The following NAV2 variants were observed in gnomAD, a reference collection of about 807,000 sequenced individuals.
The protein encoded by NAV2 is neuron navigator 2, also known as helicase, APC down-regulated 1.
Under a neutral mutation model 223.2 loss-of-function variants are expected in NAV2, and 54 were observed. That is an observed-to-expected ratio of 0.24 (90% CI 0.19 to 0.30). The LOEUF is 0.30. NAV2 is among the 10% of genes least tolerant of loss of function. The probability of loss-of-function intolerance (pLI) is 1.00; values close to 1 mark genes in which losing one functional copy is unlikely to be tolerated. For missense variants in NAV2, 2,806 were observed against 3,147.5 expected (o/e 0.89, Z 2.60); for synonymous variants, 1,279 against 1,239.3 (o/e 1.03, Z -0.67).
rs56895607 is a variant in NAV2 at position 20,074,760 on chromosome 11, C to CCTTTTTTTTTTTTTTTTTTTTTTTTTTTT, written c.4984-2792_4984-2791insCTTTTTTTTTTTTTTTTTTTTTTTTTTTT. Among the ~76,000 whole-genome samples, 165 of 110,202 alleles carry CCTTTTTTTTTTTTTTTTTTTTTTTTTTTT rather than the reference C, an allele frequency of 1.5e-3. 22 individuals carry two copies. Among genetic ancestry groups the CCTTTTTTTTTTTTTTTTTTTTTTTTTTTT allele is most frequent in the Middle Eastern group, 4.8e-3 (1 of 208 alleles). The allele number at this position is 110,202 out of a possible 152,430, so 72.3% of individuals were successfully genotyped here. A position where few individuals can be genotyped will look rare whatever the true frequency, so the allele number is the denominator to read the frequency against. On this transcript the variant is annotated intron_variant, in intron 22 of 37. Coordinates refer to ENST00000349880, the MANE Select transcript of NAV2 (RefSeq NM_145117.5). The stretch of plus-strand genomic sequence containing the variant: ...ATTGGAGACTAGGATTGCAACTCTG[C>CCTTTTTTTTTTTTTTTTTTTTTTTTTTTT]TTTTTTTTTTTTTTTTGCTTTCCAT...
chr11:19,977,434 CTG>C (rs1174854788), intron 10 of NAV2, among the ~76,000 whole-genome samples: 1 of 152,222 alleles, frequency 6.6e-6, no homozygotes, highest in Non-Finnish European at 1.5e-5. Flanking sequence ...AGAGGCAATA[CTG>C]TGTTCTTCGC....
intron 1 of NAV2, among the ~76,000 whole-genome samples, chr11:19,432,197 C>CA (rs35019617): frequency 1.4e-3 from 175 of 129,370 alleles, no homozygotes; most frequent in Middle Eastern, 3.9e-3. Context: ...AAACTCCGAC[C>CA]AAAAAAAAAA....
intron 9 of NAV2, 65 bp downstream of exon 9, chr11:19,946,574 A>G (rs570750559): frequency 7.2e-7 from 1 of 1,382,176 alleles, no homozygotes; most frequent in African/African-American, 1.4e-5. Context: ...GTGTTTGTTC[A>G]TAGCAGTAGC....
chr11:20,107,627 C>T (rs2062256639), intron 35 of NAV2, 37 bp from the exon 36 acceptor site: 2 of 1,509,670 alleles, frequency 1.3e-6, no homozygotes, highest in African/African-American at 1.4e-5. Flanking sequence ...CACCCATGCC[C>T]ATTTGAGTGC....
At chr11:19,467,020 G>GACACACAC (rs1564960121) in intron 1 of NAV2, among the ~76,000 whole-genome samples, 42 of 92,582 alleles carry the variant, frequency 4.5e-4, no homozygotes, top group African/African-American at 1.6e-3. Context: ...CACACACACA[G>GACACACAC]AGAGAGAGAG....
At chr11:19,830,930 G>A (rs1054318465) in intron 1 of NAV2, among the ~76,000 whole-genome samples, 38 of 152,134 alleles carry the variant, frequency 2.5e-4, no homozygotes, top group African/African-American at 8.7e-4. Context: ...GGAGAGTCAC[G>A]GGGAAGGAGA....
chr11:19,609,120 A>G (rs2046560975), intron 1 of NAV2, among the ~76,000 whole-genome samples: 1 of 152,176 alleles, frequency 6.6e-6, no homozygotes, highest in African/African-American at 2.4e-5. Context: ...AAATGTACCT[A>G]TTCACAGGTT....
intron 11 of NAV2, among the ~76,000 whole-genome samples, chr11:20,033,397 A>G (rs764283669): frequency 8.5e-5 from 13 of 152,230 alleles, no homozygotes; most frequent in Non-Finnish European, 1.3e-4. Context: ...AGAAGCAAAT[A>G]GAAATGTGTG....
At chr11:19,452,535 G>T (rs895887057) in intron 1 of NAV2, among the ~76,000 whole-genome samples, 1 of 152,066 alleles carries the variant, frequency 6.6e-6, no homozygotes, top group African/African-American at 2.4e-5. Flanking sequence ...TTGATTTACC[G>T]TTGGGTTACA....
At chr11:20,082,594 C>T (rs1308525401) in intron 25 of NAV2, 1 of 1,613,956 alleles carries the variant, frequency 6.2e-7, no homozygotes, top group Admixed American at 1.7e-5. Context: ...TCTGGCAGGT[C>T]AATGAGGTAA....
intron 1 of NAV2, among the ~76,000 whole-genome samples, chr11:19,552,781 A>T (rs1424075946): frequency 6.6e-6 from 1 of 152,064 alleles, no homozygotes; most frequent in East Asian, 1.9e-4. Flanking sequence ...TTTCTGCCTT[A>T]AAGTAGCTCT....
intron 1 of NAV2, among the ~76,000 whole-genome samples, chr11:19,403,715 C>G (rs2729913): frequency 2.0e-5 from 3 of 152,008 alleles, no homozygotes; most frequent in African/African-American, 7.3e-5. Context: ...AGCCTCTGTT[C>G]TAGTGTGGGA....
At chr11:19,386,264 C>G (rs1315574031) in intron 1 of NAV2, among the ~76,000 whole-genome samples, 8 of 152,180 alleles carry the variant, frequency 5.3e-5, no homozygotes, top group Admixed American at 5.2e-4. Flanking sequence ...AAACTGATAT[C>G]ATTTTATAAT....
At chr11:20,103,528 G>T in intron 33 of NAV2, 119 bp downstream of exon 33, 1 of 1,491,816 alleles carries the variant, frequency 6.7e-7, no homozygotes, top group South Asian at 1.2e-5. Flanking sequence ...CACGCATAGG[G>T]TTGGGAGTGG....
chr11:19,450,532 T>C (rs2133786369), intron 1 of NAV2, among the ~76,000 whole-genome samples: 1 of 152,368 alleles, frequency 6.6e-6, no homozygotes, highest in African/African-American at 2.4e-5. Context: ...AATCCATTAA[T>C]GGCTTATTCA....
At chr11:19,368,934 T>C (rs1293258258) in intron 1 of NAV2, among the ~76,000 whole-genome samples, 1 of 152,222 alleles carries the variant, frequency 6.6e-6, no homozygotes, top group Non-Finnish European at 1.5e-5. Context: ...CTGGTTATAT[T>C]TTAACAAAGT....
chr11:19,421,631 A>T (rs1850616777), intron 1 of NAV2, among the ~76,000 whole-genome samples: 1 of 152,226 alleles, frequency 6.6e-6, no homozygotes, highest in African/African-American at 2.4e-5. Context: ...CATATGTGAT[A>T]TGAGGATATG....
intron 1 of NAV2, among the ~76,000 whole-genome samples, chr11:19,391,894 C>T (rs1173201833): frequency 2.0e-5 from 3 of 152,182 alleles, no homozygotes; most frequent in Admixed American, 6.5e-5. Context: ...GCTCAACTCG[C>T]AGGGATTAAC....
At chr11:19,958,546 T>C (rs2048080819) in intron 10 of NAV2, among the ~76,000 whole-genome samples, 2 of 152,192 alleles carry the variant, frequency 1.3e-5, no homozygotes, top group African/African-American at 4.8e-5. Flanking sequence ...GTTCCACTAC[T>C]CTTAGCTGTG....
Sources: allele counts gnomAD v4.1 joint callset (sites outside exome capture counted in the v4.1 genomes callset), GRCh38; gene constraint gnomAD v4.1.1; transcripts MANE v1.5; gene names NCBI Gene and HGNC (gene_info 2026-07-23, HGNC 2026-07-21).